The following PCDHA5 variants were observed in gnomAD, a reference collection of about 807,000 sequenced individuals.
PCDHA5 encodes protocadherin alpha 5.
Under a neutral mutation model 61.6 loss-of-function variants are expected in PCDHA5, and 43 were observed. The observed-to-expected ratio is 0.70, with a 90% CI of 0.55 to 0.90. The LOEUF is 0.90. Among genes scored for constraint, PCDHA5 ranks in the 40% least tolerant of loss-of-function variants. The pLI is 0.00. For missense variants in PCDHA5, 1,298 were observed against 1,222.7 expected (o/e 1.06, Z -0.92); for synonymous variants, 627 against 543.9 (o/e 1.15, Z -2.13).
chr5:140,835,883 C>G lies in PCDHA5; in HGVS notation c.2352+11756C>G, dbSNP rs2150247387. On this transcript the variant is annotated intron_variant, in intron 1 of 3. Transcript: ENST00000529859. ...ACTCGCTGGTGGAGCTGCGGGTGGG[C>G]GAGCGCGCGCTGTCGAGCTACGTGT... 3.1e-6 allele frequency: 5 copies of G among 1,611,944 alleles called. No homozygotes were observed. In the Admixed American group the frequency reaches 5.0e-5, roughly 16 times the overall value.
At chr5:140,833,148 T>A (rs145941830) in intron 1 of PCDHA5, among the ~76,000 whole-genome samples, 2 of 152,132 alleles carry the variant, frequency 1.3e-5, no homozygotes, top group Admixed American at 1.3e-4. Context: ...TGTGAAGCAA[T>A]ACGAATAAAA....
At chr5:140,925,938 T>C (rs1357099773) in intron 1 of PCDHA5, among the ~76,000 whole-genome samples, 1 of 138,492 alleles carries the variant, frequency 7.2e-6, no homozygotes, top group Non-Finnish European at 1.5e-5. Context: ...GTAGAGCCTC[T>C]TGGAGAAGGA....
chr5:140,906,644 T>C (rs1167181721), intron 1 of PCDHA5, among the ~76,000 whole-genome samples: 3 of 152,232 alleles, frequency 2.0e-5, no homozygotes, highest in Admixed American at 6.5e-5. Flanking sequence ...CAGCAGGTAG[T>C]GGTTTTTTCC....
chr5:140,918,503 C>G (rs2078725431), intron 1 of PCDHA5, among the ~76,000 whole-genome samples: 1 of 152,056 alleles, frequency 6.6e-6, no homozygotes, highest in Non-Finnish European at 1.5e-5. Flanking sequence ...GGTACCAATC[C>G]TTTTAAACTT....
At chr5:140,963,424 G>A (rs898407658) in intron 1 of PCDHA5, among the ~76,000 whole-genome samples, 7 of 152,194 alleles carry the variant, frequency 4.6e-5, no homozygotes, top group Non-Finnish European at 1.0e-4. Flanking sequence ...GCATGTTTAG[G>A]AACTAACTTC....
At chr5:140,930,258 ATTTCT>A (rs1398620749) in intron 1 of PCDHA5, 6 of 152,342 alleles carry the variant, frequency 3.9e-5, no homozygotes, top group African/African-American at 1.4e-4. Flanking sequence ...CTTGGATTTA[ATTTCT>A]TTTATTTTAG....
chr5:141,009,686 A>G lies in PCDHA5; in HGVS notation c.2560A>G (p.Thr854Ala). Residue 854 changes from threonine to alanine, a missense_variant, in exon 4 of 4, where the codon ACC becomes GCC. Thr to Ala is a moderately conservative substitution (Grantham distance 58). Coordinates refer to ENST00000529859, the MANE Select transcript of PCDHA5 (RefSeq NM_018908.3). ...VGAGVNSNSW[T>A]FKYGPGNPKQ... ...TGCGGGTGTCAACAGCAACAGCTGG[A>G]CCTTTAAATACGGACCAGGCAACCC... is the stretch of plus-strand genomic sequence containing the variant. The G allele has an allele frequency of 6.2e-7, 1 of 1,613,998 alleles. No homozygotes were observed. The highest frequency in any genetic ancestry group is 8.5e-7 in the Non-Finnish European group (1 of 1,179,996).
chr5:140,845,193 T>C (rs1160723646), intron 1 of PCDHA5, among the ~76,000 whole-genome samples: 1 of 149,378 alleles, frequency 6.7e-6, no homozygotes, highest in Non-Finnish European at 1.5e-5. Context: ...AAAAATATGA[T>C]TGTTTTCATT....
chr5:140,830,567 G>A (rs1771136580), intron 1 of PCDHA5: 1 of 951,116 alleles, frequency 1.1e-6, no homozygotes, highest in Non-Finnish European at 1.4e-6. Flanking sequence ...CTATATTTCT[G>A]TTTTTAATTT....
At chr5:140,983,583 CT>C (rs2153831802) in intron 3 of PCDHA5, among the ~76,000 whole-genome samples, 1 of 152,306 alleles carries the variant, frequency 6.6e-6, no homozygotes, top group African/African-American at 2.4e-5. Context: ...TTTATTACAT[CT>C]ATTCTACATA....
chr5:140,858,366 G>C, intron 1 of PCDHA5: 1 of 1,590,950 alleles, frequency 6.3e-7, no homozygotes, highest in Admixed American at 1.7e-5. Context: ...TTCAGCCCCA[G>C]CCTTCCACCA....
At chr5:140,993,376 G>A (rs577656854) in intron 3 of PCDHA5, among the ~76,000 whole-genome samples, 6 of 151,752 alleles carry the variant, frequency 4.0e-5, no homozygotes, top group Non-Finnish European at 7.4e-5. Context: ...CCTCCCAGCC[G>A]GGTCCCTGAA....
chr5:140,847,401 A>G (rs1780996739), intron 1 of PCDHA5: 1 of 149,750 alleles, frequency 6.7e-6, no homozygotes. Context: ...TAATGGCACA[A>G]TAAACACTCA....
At chr5:140,847,583 T>A (rs1323179301) in intron 1 of PCDHA5, 3 of 149,348 alleles carry the variant, frequency 2.0e-5, no homozygotes, top group African/African-American at 7.3e-5. Context: ...GGATGAGCAA[T>A]AATGAAATTA....
intron 1 of PCDHA5, among the ~76,000 whole-genome samples, chr5:140,872,601 AAAT>A (rs1346815805): frequency 2.6e-5 from 4 of 152,140 alleles, no homozygotes; most frequent in African/African-American, 7.2e-5. Flanking sequence ...CCATCTGAAA[AAAT>A]AATTTTTTTT....
rs2150250387 is a variant in PCDHA5 at position 140,836,006 on chromosome 5, C to T, written c.2352+11879C>T. 26 of 1,613,312 alleles carry T rather than the reference C, an allele frequency of 1.6e-5. 1 individual carries two copies. Among genetic ancestry groups the T allele is most frequent in the Non-Finnish European group, 2.2e-5 (26 of 1,179,716 alleles). On this transcript the variant is annotated intron_variant, in intron 1 of 3. Transcript: ENST00000529859. ...TCCAGGTGAGCGCGCGCGATGCGGG[C>T]GTGCCGCCTCTGGGCAGCAACGTGA...
chr5:140,901,333 T>C (rs1370254894), intron 1 of PCDHA5, among the ~76,000 whole-genome samples: 1 of 152,200 alleles, frequency 6.6e-6, no homozygotes, highest in East Asian at 1.9e-4. Flanking sequence ...TTGTAGTCGT[T>C]TTATAGTTTG....
At chr5:140,851,191 T>A in intron 1 of PCDHA5, 1 of 1,215,936 alleles carries the variant, frequency 8.2e-7, no homozygotes, top group Non-Finnish European at 1.1e-6. Flanking sequence ...ACCAATTTAG[T>A]TGTTAGTCAT....
chr5:140,969,024 C>T, intron 1 of PCDHA5: 1 of 1,614,198 alleles, frequency 6.2e-7, no homozygotes, highest in Non-Finnish European at 8.5e-7. Flanking sequence ...GAAAGGTCCC[C>T]TGCAGAACTG....
Sources: allele counts gnomAD v4.1 joint callset (sites outside exome capture counted in the v4.1 genomes callset), GRCh38; gene constraint gnomAD v4.1.1; transcripts MANE v1.5; gene names NCBI Gene and HGNC (gene_info 2026-07-23, HGNC 2026-07-21).